CFAP43: variants seen among roughly 807,000 people sequenced by gnomAD.
The protein encoded by CFAP43 is cilia and flagella associated protein 43, also known as cilia- and flagella-associated protein 43.
CFAP43 carries 155 observed loss-of-function variants against 218.9 expected under a neutral mutation model. That is an observed-to-expected ratio of 0.71 (90% CI 0.62 to 0.81). The LOEUF (loss-of-function observed/expected upper bound fraction) is 0.81, where lower values mean the gene tolerates loss of function less well. Among genes scored for constraint, CFAP43 ranks in the 30% least tolerant of loss-of-function variants. The pLI is 0.00. For missense variants in CFAP43, 1,778 were observed against 1,954.3 expected (o/e 0.91, Z 1.70); for synonymous variants, 645 against 681.3 (o/e 0.95, Z 0.83).
intron 19 of CFAP43, among the ~76,000 whole-genome samples, chr10:104,173,105 G>A (rs1272301921): frequency 6.6e-6 from 1 of 152,084 alleles, no homozygotes; most frequent in Admixed American, 6.5e-5. Flanking sequence ...AAATATTAAT[G>A]TCTTTAATAT....
In CFAP43 at chr10:104,166,168, A is replaced by G. The variant is rs540201525; in HGVS notation, c.3039+320T>C. ...GGCTCACTGCAACCTCCACCTCCCC[A>G]GTTCAAGCGATTTTCCTGCCTCAGC... On this transcript the variant is annotated intron_variant, in intron 23 of 37. Coordinates refer to ENST00000357060, the MANE Select transcript of CFAP43 (RefSeq NM_025145.7). Among the ~76,000 whole-genome samples, 590 of 152,146 alleles carry G rather than the reference A, an allele frequency of 3.9e-3. 4 individuals are homozygous for G. Among genetic ancestry groups the G allele is most frequent in the Middle Eastern group, 0.031 (9 of 294 alleles).
chr10:104,133,522 G>T, intron 35 of CFAP43, 98 bp downstream of exon 35: 1 of 1,273,218 alleles, frequency 7.9e-7, no homozygotes, highest in Non-Finnish European at 1.1e-6. Flanking sequence ...CTTAGAATAT[G>T]CTTGATATCA....
chr10:104,201,815 C>T (rs1056701039), intron 8 of CFAP43, among the ~76,000 whole-genome samples: 2 of 152,066 alleles, frequency 1.3e-5, no homozygotes, highest in African/African-American at 2.4e-5. Flanking sequence ...TTTTCCTCTG[C>T]CTGAAGTAAA....
At chr10:104,140,738 A>G in intron 34 of CFAP43, 104 bp downstream of exon 34, 2 of 867,284 alleles carry the variant, frequency 2.3e-6, no homozygotes. Flanking sequence ...TATTGAGCCT[A>G]GCTAAGGGTT....
chr10:104,137,681 G>T (rs538654756), intron 34 of CFAP43, among the ~76,000 whole-genome samples: 1 of 152,014 alleles, frequency 6.6e-6, no homozygotes, highest in African/African-American at 2.4e-5. Context: ...GTGGTGGCAC[G>T]TGCCTGTAAT....
Position 104,146,364 on chromosome 10 carries a change from G to A in CFAP43, c.3769-15C>T, listed in dbSNP as rs1035879606. 5.6e-6 allele frequency: 9 copies of A among 1,607,116 alleles called. No homozygotes were observed. Among genetic ancestry groups the A allele is most frequent in the East Asian group, 2.2e-5 (1 of 44,804 alleles). ...GAAGTCTGGCTCTATAACAGCATCA[G>A]GAATAGTTGATTGAAACTGGAGACT... On this transcript the variant is annotated splice_polypyrimidine_tract_variant and intron_variant, in intron 29 of 37. Coordinates refer to ENST00000357060, the MANE Select transcript of CFAP43 (RefSeq NM_025145.7).
chr10:104,163,398 C>T (rs370743006), intron 24 of CFAP43, among the ~76,000 whole-genome samples: 3 of 152,140 alleles, frequency 2.0e-5, no homozygotes, highest in Non-Finnish European at 4.4e-5. Context: ...ATCTTTTGTC[C>T]CCAGGAGTCA....
intron 8 of CFAP43, 44 bp downstream of exon 8, chr10:104,203,628 T>C (rs1564794503): frequency 1.3e-6 from 2 of 1,562,810 alleles, no homozygotes; most frequent in Non-Finnish European, 8.7e-7. Flanking sequence ...ATGATAATAA[T>C]ACTATCTGAA....
Position 104,171,581 on chromosome 10 carries a change from C to T in CFAP43, c.2586+829G>A, listed in dbSNP as rs74154747. 6.3e-3 allele frequency among the ~76,000 whole-genome samples: 954 copies of T among 152,330 alleles called. 11 individuals carry two copies. Among genetic ancestry groups the T allele is most frequent in the African/African-American group, 0.02 (832 of 41,580 alleles). Reference sequence around the variant, plus strand: ...CTTAACTGTCCTTGAATCCAGCTATCTTGCATTCTCCTGTGTTTTTATATT... The same window carrying T: ...CTTAACTGTCCTTGAATCCAGCTATTTTGCATTCTCCTGTGTTTTTATATT... On this transcript the variant is annotated intron_variant, in intron 20 of 37. Coordinates refer to ENST00000357060, the MANE Select transcript of CFAP43 (RefSeq NM_025145.7).
chr10:104,173,214 T>C (rs1012208801), intron 19 of CFAP43, among the ~76,000 whole-genome samples: 2 of 152,242 alleles, frequency 1.3e-5, no homozygotes, highest in Non-Finnish European at 2.9e-5. Flanking sequence ...TTAACAATTT[T>C]TCTTTTTTGC....
intron 2 of CFAP43, among the ~76,000 whole-genome samples, chr10:104,226,892 C>A (rs1475461822): frequency 6.6e-6 from 1 of 152,010 alleles, no homozygotes; most frequent in East Asian, 1.9e-4. Flanking sequence ...GTGGCAAGCA[C>A]CTGTAATCCC....
At chr10:104,224,686 TG>T (rs1352835401) in intron 3 of CFAP43, among the ~76,000 whole-genome samples, 2 of 134,542 alleles carry the variant, frequency 1.5e-5, no homozygotes, top group Non-Finnish European at 3.0e-5. Flanking sequence ...ACCTGGGAGA[TG>T]GAGGTTGCAG....
At chr10:104,156,320 A>T (rs1290484771) in intron 27 of CFAP43, among the ~76,000 whole-genome samples, 1 of 152,122 alleles carries the variant, frequency 6.6e-6, no homozygotes, top group Non-Finnish European at 1.5e-5. Flanking sequence ...TAAACATAAT[A>T]TGTTGGTGTA....
In CFAP43 at chr10:104,161,114, C is replaced by G; in HGVS notation, c.3463G>C (p.Glu1155Gln). The G allele has an allele frequency of 6.2e-7, 1 of 1,613,630 alleles. No individual in the cohort carries two copies. The highest frequency in any genetic ancestry group is 1.7e-4 in the Middle Eastern group (1 of 6,050). ...FMAKPDAVWT[E>Q]EERKQFKDYE... ...TCTTTGAATTGTTTTCTTTCTTCTT[C>G]AGTCCACACAGCATCAGGTTTTGCC... The change falls in exon 27 of 38, where the codon GAA (glutamate) becomes CAA (glutamine). Residue 1155 changes from glutamate (E) to glutamine (Q), a missense_variant. Around this residue, in one of 3 missense-constraint regions of CFAP43, gnomAD observed 1,553 missense variants for 1,685.2 expected, o/e 0.92. Coordinates refer to ENST00000357060, the MANE Select transcript of CFAP43 (RefSeq NM_025145.7).
chr10:104,192,242 G>C lies in CFAP43; in HGVS notation c.1503C>G (p.Ile501Met). 6.2e-7 allele frequency: 1 copy of C among 1,613,066 alleles called. No homozygotes were observed. Among genetic ancestry groups the C allele is most frequent in the Non-Finnish European group, 8.5e-7 (1 of 1,179,704 alleles). ...GAAATGAGCTTGAGGAGTTGGCATT[G>C]ATAATAAAGACTTTTCCTTCTGCTG... ...VGTAEGKVFIINANSSSSFQI... is the reference protein window; with the variant it reads ...VGTAEGKVFIMNANSSSSFQI... The change falls in exon 12 of 38, where the codon ATC becomes ATG. Residue 501 changes from isoleucine to methionine, a missense_variant. Around this residue, in one of 3 missense-constraint regions of CFAP43, gnomAD observed 1,553 missense variants for 1,685.2 expected, o/e 0.92. Transcript: ENST00000357060.
intron 16 of CFAP43, 37 bp downstream of exon 16, chr10:104,184,979 A>G (rs368843916): frequency 3.1e-6 from 5 of 1,609,364 alleles, no homozygotes; most frequent in Non-Finnish European, 4.2e-6. Context: ...TTAACACACT[A>G]TACTACATGG....
intron 14 of CFAP43, among the ~76,000 whole-genome samples, chr10:104,186,497 C>A (rs1015294245): frequency 1.3e-5 from 2 of 152,146 alleles, no homozygotes; most frequent in African/African-American, 4.8e-5. Flanking sequence ...TACCTCCAAG[C>A]CTCTGCACGT....
Position 104,184,752 on chromosome 10 carries a change from C to T in CFAP43, c.2141+264G>A, listed in dbSNP as rs572893638. On this transcript the variant is annotated intron_variant, in intron 16 of 37. Coordinates refer to ENST00000357060, the MANE Select transcript of CFAP43 (RefSeq NM_025145.7). ...TTCAAACTAGCCAATCCTAAACCTGCCCAATCCTCCCTGTGAAAACCATAC... is the reference window on the plus strand; with the variant it reads ...TTCAAACTAGCCAATCCTAAACCTGTCCAATCCTCCCTGTGAAAACCATAC... 8.5e-5 allele frequency among the ~76,000 whole-genome samples: 13 copies of T among 152,218 alleles called. No individual in the cohort carries two copies. The South Asian group carries it at 2.7e-3, about 32-fold the overall frequency.
intron 3 of CFAP43, among the ~76,000 whole-genome samples, chr10:104,220,778 G>A (rs1359274138): frequency 6.6e-5 from 10 of 152,172 alleles, no homozygotes; most frequent in African/African-American, 2.2e-4. Context: ...AGGCAGGCAT[G>A]CTTTTACAGG....
Sources: allele counts gnomAD v4.1 joint callset (sites outside exome capture counted in the v4.1 genomes callset), GRCh38; gene constraint gnomAD v4.1.1; regional missense constraint gnomAD v4.1.1; transcripts MANE v1.5; gene names NCBI Gene and HGNC (gene_info 2026-07-23, HGNC 2026-07-21).